MLIP: variants seen among roughly 807,000 people sequenced by gnomAD.
MLIP encodes muscular LMNA-interacting protein.
Under a neutral mutation model 84.8 loss-of-function variants are expected in MLIP, and 79 were observed. The ratio of observed to expected loss-of-function variants is 0.93; its 90% confidence interval spans 0.78 to 1.12. The LOEUF is 1.12. MLIP is among the 50% of genes most tolerant of loss of function. MLIP has a pLI of 0.00. For missense variants in MLIP, 1,257 were observed against 1,160.6 expected, an observed-to-expected ratio of 1.08 and a Z score of -1.21; for synonymous variants, 504 against 463.0, an observed-to-expected ratio of 1.09 and a Z score of -1.14.
At chr6:54,142,547 G>C (rs1020899490) in intron 4 of MLIP, among the ~76,000 whole-genome samples, 1 of 152,182 alleles carries the variant, frequency 6.6e-6, no homozygotes, top group African/African-American at 2.4e-5. Context: ...CTAGCAGTGA[G>C]GAACAGGATG....
Position 54,087,919 on chromosome 6 carries a change from C to T in MLIP, c.64-33528C>T, listed in dbSNP as rs111592481. On this transcript the variant is annotated intron_variant, in intron 1 of 12. Coordinates refer to the MLIP transcript ENST00000274897. Reference sequence around the variant, plus strand: ...GCTTTCTGAAGAGCCTAAAGCTCTACCTGGGGAATGTGTCCAGAGGGAGAA... The same window carrying T: ...GCTTTCTGAAGAGCCTAAAGCTCTATCTGGGGAATGTGTCCAGAGGGAGAA... 2.4e-3 allele frequency among the ~76,000 whole-genome samples: 370 copies of T among 151,680 alleles called. 1 individual carries two copies. Among genetic ancestry groups the T allele is most frequent in the African/African-American group, 8.5e-3 (353 of 41,344 alleles).
intron 12 of MLIP, among the ~76,000 whole-genome samples, chr6:54,249,156 A>AT (rs896486211): frequency 3.3e-5 from 5 of 151,900 alleles, no homozygotes; most frequent in South Asian, 4.1e-4. Context: ...CAATCAATAG[A>AT]TTTTTTTGCT....
At chr6:54,217,923 A>G (rs963285911) in intron 11 of MLIP, 119 of 985,336 alleles carry the variant, frequency 1.2e-4, no homozygotes, top group Non-Finnish European at 1.3e-4. Context: ...TTAGGTACCA[A>G]CCTCAAGATA....
chr6:54,201,996 AT>A, intron 10 of MLIP, 108 bp from the exon 11 acceptor site: 1 of 772,696 alleles, frequency 1.3e-6, no homozygotes, highest in Non-Finnish European at 1.8e-6. Context: ...AATTAAAAAA[AT>A]ATAATTTTCT....
chr6:54,132,822 G>C (rs1185302633), intron 3 of MLIP, among the ~76,000 whole-genome samples: 1 of 152,204 alleles, frequency 6.6e-6, no homozygotes, highest in Non-Finnish European at 1.5e-5. Flanking sequence ...ATTCAGTGCA[G>C]GGGAAACCAG....
At chr6:54,186,737 C>A (rs1013173035) in intron 9 of MLIP, among the ~76,000 whole-genome samples, 19 of 152,140 alleles carry the variant, frequency 1.2e-4, no homozygotes, top group African/African-American at 4.6e-4. Flanking sequence ...CCTCATGATC[C>A]AATCACTTCC....
intron 9 of MLIP, among the ~76,000 whole-genome samples, chr6:54,186,144 A>G (rs1026372502): frequency 2.0e-5 from 3 of 152,196 alleles, no homozygotes; most frequent in African/African-American, 7.2e-5. Flanking sequence ...ATACTCCTAT[A>G]TACTTGGTGA....
intron 3 of MLIP, among the ~76,000 whole-genome samples, chr6:54,134,424 T>G (rs1771639401): frequency 1.3e-5 from 2 of 151,958 alleles, no homozygotes; most frequent in Non-Finnish European, 2.9e-5. Context: ...GAAAGGAATA[T>G]GTTGCATATA....
At chr6:54,122,171 G>A (rs973810370) in intron 2 of MLIP, among the ~76,000 whole-genome samples, 1 of 152,204 alleles carries the variant, frequency 6.6e-6, no homozygotes, top group South Asian at 2.1e-4. Flanking sequence ...GAAGAAAAAT[G>A]TTATGTAGGT....
At chr6:54,192,987 G>T (rs763108997) in intron 10 of MLIP, among the ~76,000 whole-genome samples, 48 of 152,088 alleles carry the variant, frequency 3.2e-4, no homozygotes, top group Non-Finnish European at 6.5e-4. Flanking sequence ...ATTTTTTCAT[G>T]CTTTCAAATT....
Position 54,052,146 on chromosome 6 carries a change from A to C in MLIP, c.63+33055A>C, listed in dbSNP as rs151065466. Among the ~76,000 whole-genome samples, 74 of 152,324 alleles carry C rather than the reference A, an allele frequency of 4.9e-4. 1 individual carries two copies. The East Asian group carries it at 6.6e-3, about 13-fold the overall frequency. ...GCGTTAAGCTAGAAAATTATGGGTGAGAACGCTGACTTGCCTAGTTTAGAT... is the reference window on the plus strand; with the variant it reads ...GCGTTAAGCTAGAAAATTATGGGTGCGAACGCTGACTTGCCTAGTTTAGAT... On this transcript the variant is annotated intron_variant, in intron 1 of 12. Transcript: ENST00000274897.
chr6:54,107,752 G>A (rs575573663), upstream of MLIP, among the ~76,000 whole-genome samples: 1 of 152,278 alleles, frequency 6.6e-6, no homozygotes, highest in African/African-American at 2.4e-5. Flanking sequence ...CTGAGAACAG[G>A]TTCCAAGCCT....
chr6:54,163,085 G>A (rs1236489550), intron 8 of MLIP, among the ~76,000 whole-genome samples: 1 of 151,964 alleles, frequency 6.6e-6, no homozygotes, highest in African/African-American at 2.4e-5. Flanking sequence ...CCATATTGCT[G>A]GTGCTTATGT....
At chr6:54,190,474 T>A (rs1032010255) in intron 10 of MLIP, among the ~76,000 whole-genome samples, 1 of 152,182 alleles carries the variant, frequency 6.6e-6, no homozygotes. Context: ...TTATTTAATG[T>A]TATATAAATA....
chr6:54,028,652 T>C (rs913326497), intron 1 of MLIP, among the ~76,000 whole-genome samples: 3 of 152,222 alleles, frequency 2.0e-5, no homozygotes, highest in African/African-American at 7.2e-5. Flanking sequence ...CACTTGCTTC[T>C]GCTTATTCAT....
chr6:54,221,630 G>A (rs112981246), intron 11 of MLIP, among the ~76,000 whole-genome samples: 1 of 151,962 alleles, frequency 6.6e-6, no homozygotes, highest in Non-Finnish European at 1.5e-5. Flanking sequence ...TCTTCATAAG[G>A]CAAAAGCAGG....
intron 12 of MLIP, among the ~76,000 whole-genome samples, chr6:54,241,979 T>C (rs1781767620): frequency 6.6e-6 from 1 of 152,170 alleles, no homozygotes; most frequent in Non-Finnish European, 1.5e-5. Context: ...CAAAATGTAT[T>C]CTGAATGAGA....
chr6:54,050,020 T>C (rs573868859), intron 1 of MLIP, among the ~76,000 whole-genome samples: 5 of 152,128 alleles, frequency 3.3e-5, no homozygotes, highest in Non-Finnish European at 7.4e-5. Context: ...ATTTGATACA[T>C]TGCAAAGTGG....
At chr6:54,230,547 A>G (rs1241554604) in intron 11 of MLIP, among the ~76,000 whole-genome samples, 167 bp from the exon 12 acceptor site, 1 of 152,162 alleles carries the variant, frequency 6.6e-6, no homozygotes, top group East Asian at 1.9e-4. Context: ...AAAGAGACAC[A>G]CAATATACAC....
Sources: gnomAD v4.1 joint callset for allele counts (sites outside exome capture counted in the v4.1 genomes callset) on GRCh38, gnomAD v4.1.1 for gene constraint, MANE v1.5 for transcripts, NCBI Gene and HGNC (gene_info 2026-07-23, HGNC 2026-07-21) for gene names.